The following RAB10 variants were observed in gnomAD, a reference collection of about 807,000 sequenced individuals.
The protein encoded by RAB10 is ras-related protein Rab-10.
In RAB10, 5 loss-of-function variants were observed where a neutral mutation model predicts 25.7. That is an observed-to-expected ratio of 0.19 (90% CI 0.10 to 0.41). RAB10 has a LOEUF of 0.41. Ranked by LOEUF, RAB10 falls within the 10% of genes least tolerant of loss-of-function variation. RAB10 has a pLI of 1.00. For missense variants in RAB10, 103 were observed against 245.8 expected, an observed-to-expected ratio of 0.42 and a Z score of 3.89; for synonymous variants, 89 against 86.4, an observed-to-expected ratio of 1.03 and a Z score of -0.16.
intron 1 of RAB10, among the ~76,000 whole-genome samples, chr2:26,065,292 G>T (rs963733725): frequency 6.6e-6 from 1 of 151,568 alleles, no homozygotes; most frequent in Non-Finnish European, 1.5e-5. Context: ...TTTATTAGCT[G>T]TATCTCTAAT....
intron 1 of RAB10, among the ~76,000 whole-genome samples, chr2:26,091,685 G>A (rs1667109892): frequency 6.6e-6 from 1 of 152,114 alleles, no homozygotes; most frequent in African/African-American, 2.4e-5. Context: ...GAGATCATCA[G>A]TGTGTATGTG....
chr2:26,127,308 A>G (rs1174180275), intron 4 of RAB10, 75 bp downstream of exon 4: 1 of 1,103,840 alleles, frequency 9.1e-7, no homozygotes, highest in African/African-American at 1.6e-5. Flanking sequence ...TTTTTATAGT[A>G]ATAGTGATCG....
chr2:26,085,788 AGAGTTC>A (rs1314283366), intron 1 of RAB10, among the ~76,000 whole-genome samples: 3 of 150,474 alleles, frequency 2.0e-5, no homozygotes, highest in Non-Finnish European at 4.4e-5. Context: ...CCTGAGGTCG[AGAGTTC>A]GAGACCAGCC....
chr2:26,051,374 C>T (rs1285127054), intron 1 of RAB10, among the ~76,000 whole-genome samples: 1 of 78,736 alleles, frequency 1.3e-5, no homozygotes, highest in Non-Finnish European at 2.6e-5. Flanking sequence ...CCCCCCCCCC[C>T]CCCCGTTTTA....
chr2:26,054,163 T>G (rs1034763762), intron 1 of RAB10, among the ~76,000 whole-genome samples: 3 of 151,180 alleles, frequency 2.0e-5, no homozygotes, highest in African/African-American at 7.3e-5. Context: ...TTCTCCTTCC[T>G]CAGCCTCCCA....
chr2:26,058,531 A>G (rs1012177506), intron 1 of RAB10, among the ~76,000 whole-genome samples: 2 of 152,002 alleles, frequency 1.3e-5, no homozygotes, highest in African/African-American at 2.4e-5. Context: ...CTAAGTAGCT[A>G]GGATTACAGA....
intron 3 of RAB10, among the ~76,000 whole-genome samples, chr2:26,122,978 G>A (rs911759482): frequency 2.6e-5 from 4 of 152,150 alleles, no homozygotes; most frequent in Non-Finnish European, 2.9e-5. Flanking sequence ...GAAGGGATAG[G>A]CTAACTACTG....
At chr2:26,083,875 A>G (rs1164715536) in intron 1 of RAB10, among the ~76,000 whole-genome samples, 1 of 152,204 alleles carries the variant, frequency 6.6e-6, no homozygotes, top group Non-Finnish European at 1.5e-5. Flanking sequence ...ATGTAAAAAT[A>G]TATTATTTAC....
chr2:26,134,874 G>A, intron 5 of RAB10, 64 bp from the exon 6 acceptor site: 1 of 1,298,108 alleles, frequency 7.7e-7, no homozygotes, highest in Non-Finnish European at 1.1e-6. Flanking sequence ...TATTCCTGTT[G>A]AATCGTGATT....
intron 5 of RAB10, among the ~76,000 whole-genome samples, chr2:26,130,462 C>G (rs543475172): frequency 4.6e-5 from 7 of 151,790 alleles, no homozygotes; most frequent in Non-Finnish European, 8.8e-5. Flanking sequence ...GCCATCAAGC[C>G]TGGCTTGGTC....
Position 26,052,461 on chromosome 2 carries a change from C to T in RAB10, c.127+17726C>T, listed in dbSNP as rs140550540. ...GGGCTCTGCTACAAGATGATGGAACCGTGAGCCAATTTTTTTTTTTTTTTT... is the reference window on the plus strand; with the variant it reads ...GGGCTCTGCTACAAGATGATGGAACTGTGAGCCAATTTTTTTTTTTTTTTT... On this transcript the variant is annotated intron_variant, in intron 1 of 5. Transcript: ENST00000264710. 6.1e-3 allele frequency among the ~76,000 whole-genome samples: 857 copies of T among 141,192 alleles called. 5 individuals are homozygous for T. The highest frequency in any genetic ancestry group is 9.8e-3 in the Admixed American group (125 of 12,766). 92.6% of individuals were successfully genotyped at this position (141,192 alleles called of 152,430 possible). A position where few individuals can be genotyped will look rare whatever the true frequency, so the allele number is the denominator to read the frequency against.
intron 1 of RAB10, among the ~76,000 whole-genome samples, chr2:26,085,188 A>G (rs929694704): frequency 6.6e-6 from 1 of 152,166 alleles, no homozygotes; most frequent in Non-Finnish European, 1.5e-5. Context: ...ATCAAAGGGC[A>G]TATTAAAGTG....
At chr2:26,123,862 A>G (rs967874368) in intron 3 of RAB10, among the ~76,000 whole-genome samples, 1 of 152,192 alleles carries the variant, frequency 6.6e-6, no homozygotes, top group Non-Finnish European at 1.5e-5. Context: ...AAAAGAAATT[A>G]CAATGTTTTT....
chr2:26,062,271 G>C (rs1661222842), intron 1 of RAB10, among the ~76,000 whole-genome samples: 1 of 152,126 alleles, frequency 6.6e-6, no homozygotes, highest in Non-Finnish European at 1.5e-5. Context: ...CCCATCCTCT[G>C]CTCCATAGCC....
intron 2 of RAB10, among the ~76,000 whole-genome samples, chr2:26,109,140 C>T (rs933180955): frequency 1.4e-5 from 2 of 141,562 alleles, no homozygotes; most frequent in African/African-American, 2.6e-5. Flanking sequence ...GAACTCCTGA[C>T]CTTAAGTGAT....
At chr2:26,097,556 G>A (rs1439549040) in intron 1 of RAB10, among the ~76,000 whole-genome samples, 4 of 152,188 alleles carry the variant, frequency 2.6e-5, no homozygotes, top group African/African-American at 9.6e-5. Flanking sequence ...GGGATTACAG[G>A]CGTGAGCCAC....
At chr2:26,038,218 T>C (rs896018057) in intron 1 of RAB10, among the ~76,000 whole-genome samples, 1 of 144,058 alleles carries the variant, frequency 6.9e-6, no homozygotes, top group Non-Finnish European at 1.5e-5. Flanking sequence ...TTTTTTGAGA[T>C]GGATTTTCGC....
intron 1 of RAB10, among the ~76,000 whole-genome samples, chr2:26,074,921 C>T (rs1377382872): frequency 1.3e-5 from 2 of 152,248 alleles, no homozygotes; most frequent in South Asian, 4.1e-4. Flanking sequence ...TGGAACGGGT[C>T]TGGCATATAG....
chr2:26,091,513 A>G (rs1041899588), intron 1 of RAB10, among the ~76,000 whole-genome samples: 6 of 152,190 alleles, frequency 3.9e-5, no homozygotes, highest in Non-Finnish European at 7.3e-5. Context: ...GATGTAGAAA[A>G]TGTTGAGGGC....
Sources: gnomAD v4.1 joint callset for allele counts (sites outside exome capture counted in the v4.1 genomes callset) on GRCh38, gnomAD v4.1.1 for gene constraint, MANE v1.5 for transcripts, NCBI Gene and HGNC (gene_info 2026-07-23, HGNC 2026-07-21) for gene names.